GNPTAB: variants seen among roughly 807,000 people sequenced by gnomAD.
The protein encoded by GNPTAB is N-acetylglucosamine-1-phosphate transferase subunits alpha and beta, also known as N-acetylglucosamine-1-phosphotransferase subunits alpha/beta.
GNPTAB carries 92 observed loss-of-function variants against 136.6 expected under a neutral mutation model. The observed-to-expected ratio is 0.67, with a 90% CI of 0.57 to 0.80. The LOEUF (loss-of-function observed/expected upper bound fraction) is 0.80. GNPTAB is among the 30% of genes least tolerant of loss of function. GNPTAB has a pLI of 0.00. For missense variants in GNPTAB, 1,343 were observed against 1,501.8 expected (o/e 0.89, Z 1.75); for synonymous variants, 512 against 535.1 (o/e 0.96, Z 0.60).
chr12:101,783,683 T>G (rs1868470225), intron 5 of GNPTAB, among the ~76,000 whole-genome samples: 2 of 152,142 alleles, frequency 1.3e-5, no homozygotes, highest in Non-Finnish European at 2.9e-5. Flanking sequence ...ACATTTATAC[T>G]TGGAAAGGTT....
intron 15 of GNPTAB, among the ~76,000 whole-genome samples, chr12:101,760,658 A>T (rs1430821861): frequency 1.3e-5 from 2 of 152,226 alleles, no homozygotes; most frequent in African/African-American, 4.8e-5. Flanking sequence ...TTTGGTTATA[A>T]TTCTAGCACT....
chr12:101,806,274 C>A (rs1312028218), intron 1 of GNPTAB, among the ~76,000 whole-genome samples: 1 of 152,132 alleles, frequency 6.6e-6, no homozygotes, highest in Non-Finnish European at 1.5e-5. Flanking sequence ...TAAACACAGA[C>A]AAACAAGCCA....
At chr12:101,801,539 CAA>C (rs36066248) in intron 1 of GNPTAB, among the ~76,000 whole-genome samples, 2 of 42,580 alleles carry the variant, frequency 4.7e-5, no homozygotes, top group Non-Finnish European at 1.1e-4. Flanking sequence ...GACCCTGTCT[CAA>C]AAAAAAAAAA....
intron 1 of GNPTAB, among the ~76,000 whole-genome samples, chr12:101,819,913 C>G (rs564552866): frequency 6.6e-6 from 1 of 152,326 alleles, no homozygotes; most frequent in South Asian, 2.1e-4. Flanking sequence ...CTTGCTCCCT[C>G]TGATTTCATA....
intron 8 of GNPTAB, 50 bp from the exon 9 acceptor site, chr12:101,770,635 ACCT>A (rs1953157762): frequency 1.6e-6 from 2 of 1,280,034 alleles, no homozygotes; most frequent in South Asian, 1.2e-5. Flanking sequence ...CTTAAGTCAT[ACCT>A]CCTCCTCTTT....
intron 12 of GNPTAB, 58 bp downstream of exon 12, chr12:101,766,032 TC>T (rs1385875197): frequency 5.4e-5 from 76 of 1,408,696 alleles, no homozygotes; most frequent in Non-Finnish European, 6.0e-5. Context: ...TTCAAAACTC[TC>T]TCTACCTGTC....
Position 101,794,546 on chromosome 12 carries a change from A to G in GNPTAB, c.203+2131T>C, listed in dbSNP as rs571476073. ...CAGAAACTAGCAAAATAATGAAAAT[A>G]TATCAATGTTATGGTATCTTAAAAT... is the stretch of plus-strand genomic sequence containing the variant. On this transcript the variant is annotated intron_variant, in intron 2 of 20. Transcript: ENST00000299314. Among the ~76,000 whole-genome samples the G allele has an allele frequency of 7.9e-5, 12 of 152,236 alleles. No homozygotes were observed. The South Asian group carries it at 1.9e-3, about 24-fold the overall frequency.
intron 11 of GNPTAB, among the ~76,000 whole-genome samples, chr12:101,767,523 A>C (rs1953112073): frequency 6.6e-6 from 1 of 152,226 alleles, no homozygotes; most frequent in Non-Finnish European, 1.5e-5. Context: ...TTAAATAAGA[A>C]GACATTTTCA....
intron 7 of GNPTAB, among the ~76,000 whole-genome samples, chr12:101,774,923 A>T (rs1953237690): frequency 6.6e-6 from 1 of 152,224 alleles, no homozygotes; most frequent in African/African-American, 2.4e-5. Flanking sequence ...AGCCTTAGTT[A>T]AAAATCATGA....
At chr12:101,777,960 G>A (rs1414411731) in intron 7 of GNPTAB, among the ~76,000 whole-genome samples, 1 of 152,150 alleles carries the variant, frequency 6.6e-6, no homozygotes, top group African/African-American at 2.4e-5. Context: ...AGAGGTGTTG[G>A]CCTCCACAAA....
At position 101,812,581 on chromosome 12, in the gene GNPTAB, A is replaced by ACC. The variant is rs138080259; in HGVS notation, c.118-15821_118-15820dup. 0.022 allele frequency among the ~76,000 whole-genome samples: 3,329 copies of ACC among 151,450 alleles called. 327 individuals are homozygous for ACC. In the East Asian group the frequency reaches 0.31, roughly 14 times the overall value. ...GACCAGCTTGGGCAACATGGTGAGAACCCCCCCATCTCTACAAAAAAATGT... is the reference window on the plus strand; with the variant it reads ...GACCAGCTTGGGCAACATGGTGAGAACCCCCCCCCATCTCTACAAAAAAATGT... On this transcript the variant is annotated intron_variant, in intron 1 of 20. Coordinates refer to ENST00000299314, the MANE Select transcript of GNPTAB (RefSeq NM_024312.5).
intron 7 of GNPTAB, among the ~76,000 whole-genome samples, chr12:101,772,626 C>T (rs1160684156): frequency 2.0e-5 from 3 of 152,108 alleles, no homozygotes; most frequent in Admixed American, 1.3e-4. Flanking sequence ...CTCACTGAGT[C>T]ACCAACTTGC....
At chr12:101,796,037 G>A (rs2137157848) in intron 2 of GNPTAB, 1 of 465,528 alleles carries the variant, frequency 2.1e-6, no homozygotes, top group South Asian at 4.5e-5. Flanking sequence ...GCCTTCCAAG[G>A]GAAAGACCCA....
intron 1 of GNPTAB, among the ~76,000 whole-genome samples, chr12:101,802,601 C>T (rs1490749022): frequency 2.6e-5 from 4 of 152,128 alleles, no homozygotes; most frequent in Non-Finnish European, 4.4e-5. Context: ...AGTCTGTTCT[C>T]GAGGCTCTTC....
chr12:101,757,224 CTTA>C lies in GNPTAB; in HGVS notation c.3419_3421del (p.Ile1140del). 1 of 1,579,598 alleles carries C rather than the reference CTTA, an allele frequency of 6.3e-7. No homozygotes were observed. The highest frequency in any genetic ancestry group is 8.7e-7 in the Non-Finnish European group (1 of 1,149,818). On this transcript the variant is annotated inframe_deletion, in exon 18 of 21. Coordinates refer to ENST00000299314, the MANE Select transcript of GNPTAB (RefSeq NM_024312.5). ...TAAAAATCAGTACCTAGGGTTTTTT[CTTA>C]TGTCATCCAACTGGCCAACCACATG...
At chr12:101,828,516 A>C (rs1340761409) in intron 1 of GNPTAB, among the ~76,000 whole-genome samples, 2 of 152,084 alleles carry the variant, frequency 1.3e-5, no homozygotes, top group African/African-American at 2.4e-5. Context: ...AAAATTAGCC[A>C]GGTGTGGTGG....
At chr12:101,768,646 A>G (rs1329218002) in intron 10 of GNPTAB, among the ~76,000 whole-genome samples, 2 of 152,216 alleles carry the variant, frequency 1.3e-5, no homozygotes, top group East Asian at 3.8e-4. Flanking sequence ...GTGATAAATT[A>G]ACTGGCATAG....
At chr12:101,803,436 G>A (rs1047088150) in intron 1 of GNPTAB, among the ~76,000 whole-genome samples, 4 of 152,206 alleles carry the variant, frequency 2.6e-5, no homozygotes, top group African/African-American at 7.2e-5. Context: ...CTGATGCAAA[G>A]TGGCTTAATG....
At chr12:101,749,914 T>C (rs1436610085) in intron 19 of GNPTAB, among the ~76,000 whole-genome samples, 1 of 152,144 alleles carries the variant, frequency 6.6e-6, no homozygotes, top group African/African-American at 2.4e-5. Flanking sequence ...GACAGAACAC[T>C]CTAGTGGGAA....
Sources: gnomAD v4.1 joint callset for allele counts (sites outside exome capture counted in the v4.1 genomes callset) on GRCh38, gnomAD v4.1.1 for gene constraint, MANE v1.5 for transcripts, NCBI Gene and HGNC (gene_info 2026-07-23, HGNC 2026-07-21) for gene names.